Variants in DDX60 observed in about 807,000 individuals in gnomAD.
DDX60 encodes the protein probable ATP-dependent RNA helicase DDX60.
In DDX60, 165 loss-of-function variants were observed where a neutral mutation model predicts 212.8. The observed-to-expected ratio is 0.78, with a 90% CI of 0.68 to 0.88. The LOEUF is 0.88. DDX60 is among the 40% of genes least tolerant of loss of function. The pLI is 0.00. For synonymous variants in DDX60, 703 were observed against 685.3 expected, an observed-to-expected ratio of 1.03 and a Z score of -0.40; for missense variants, 1,905 against 2,003.9, an observed-to-expected ratio of 0.95 and a Z score of 0.94.
chr4:168,283,701 T>A, intron 12 of DDX60, 95 bp from the exon 13 acceptor site: 1 of 864,280 alleles, frequency 1.2e-6, no homozygotes, highest in East Asian at 2.7e-5. Context: ...GTAGTTAAAT[T>A]AGTGGAAAAG....
In DDX60 at chr4:168,283,514, T is replaced by C. The variant is rs1459397440; in HGVS notation, c.1654A>G (p.Lys552Glu). The change falls in exon 13 of 38, where the codon AAA (lysine) becomes GAA (glutamate). Residue 552 changes from lysine (K) to glutamate (E), a missense_variant. Coordinates refer to ENST00000393743, the MANE Select transcript of DDX60 (RefSeq NM_017631.6). The part of the protein sequence containing the change: ...YGNSLETVSS[K>E]IIVTQTIKSK... ...TTAATAGTTTGAGTCACGATGATTT[T>C]CGAAGAGACTGTTTCTAATGAATTC... 9 of 1,613,488 alleles carry C rather than the reference T, an allele frequency of 5.6e-6. No homozygotes were observed. The highest frequency in any genetic ancestry group is 6.8e-6 in the Non-Finnish European group (8 of 1,179,708).
chr4:168,308,553 C>T (rs1560880822), intron 3 of DDX60, among the ~76,000 whole-genome samples: 1 of 151,786 alleles, frequency 6.6e-6, no homozygotes, highest in Non-Finnish European at 1.5e-5. Flanking sequence ...TGGCTATTGA[C>T]AAATTAAGCA....
chr4:168,298,636 C>T (rs1457739679), intron 6 of DDX60, among the ~76,000 whole-genome samples: 1 of 152,014 alleles, frequency 6.6e-6, no homozygotes, highest in Non-Finnish European at 1.5e-5. Flanking sequence ...GAGAAACTCA[C>T]CTATAGTAAC....
At chr4:168,235,368 T>G (rs1204275068) in intron 33 of DDX60, among the ~76,000 whole-genome samples, 1 of 152,052 alleles carries the variant, frequency 6.6e-6, no homozygotes, top group African/African-American at 2.4e-5. Context: ...TGTTATGCAG[T>G]AAAGTGTATT....
chr4:168,244,585 T>C (rs1479683883), intron 30 of DDX60, among the ~76,000 whole-genome samples: 1 of 151,832 alleles, frequency 6.6e-6, no homozygotes, highest in Non-Finnish European at 1.5e-5. Flanking sequence ...ATTAGCCAGG[T>C]GTGGTGGCGC....
chr4:168,317,231 G>A (rs1186554251), intron 1 of DDX60, among the ~76,000 whole-genome samples: 1 of 151,328 alleles, frequency 6.6e-6, no homozygotes, highest in Non-Finnish European at 1.5e-5. Context: ...CACCCAACAG[G>A]ACACACACAT....
intron 8 of DDX60, among the ~76,000 whole-genome samples, chr4:168,289,116 T>A (rs1013193683): frequency 2.0e-5 from 3 of 152,094 alleles, no homozygotes; most frequent in Admixed American, 6.5e-5. Context: ...TGAGTCCAAG[T>A]TTTTCCTTTG....
In DDX60 at chr4:168,285,517, A is replaced by T. The variant is rs1735787627; in HGVS notation, c.1340-19T>A. ...GAGCTGTCTGTAAACAAACAAAAAA[A>T]AATTGAGACAAGGTCAAATGTAAAG... On this transcript the variant is annotated intron_variant, in intron 10 of 37. Coordinates refer to ENST00000393743, the MANE Select transcript of DDX60 (RefSeq NM_017631.6). The T allele has an allele frequency of 1.3e-6, 2 of 1,504,664 alleles. No individual in the cohort carries two copies. The highest frequency in any genetic ancestry group is 9.1e-7 in the Non-Finnish European group (1 of 1,097,496). 93.2% of individuals were successfully genotyped at this position (1,504,664 alleles called of 1,614,324 possible).
Position 168,267,692 on chromosome 4 carries a change from C to A in DDX60, c.2930-1G>T. Reference sequence around the variant, plus strand: ...TCATTATACCTCTCTCCATAGAGCACTAAAAATGAAGAACAAGAATTTCCA... The same window carrying A: ...TCATTATACCTCTCTCCATAGAGCAATAAAAATGAAGAACAAGAATTTCCA... On this transcript the variant is annotated splice_acceptor_variant, in intron 21 of 37. Transcript: ENST00000393743. LOFTEE classifies it high-confidence loss of function. 6.4e-7 allele frequency: 1 copy of A among 1,572,614 alleles called. No individual in the cohort carries two copies. Among genetic ancestry groups the A allele is most frequent in the Non-Finnish European group, 8.6e-7 (1 of 1,160,010 alleles).
chr4:168,241,584 G>A (rs550547342), intron 30 of DDX60, among the ~76,000 whole-genome samples: 1 of 152,126 alleles, frequency 6.6e-6, no homozygotes, highest in Admixed American at 6.6e-5. Flanking sequence ...CTGCCTGAGA[G>A]ATTTATGGAA....
intron 14 of DDX60, among the ~76,000 whole-genome samples, chr4:168,278,532 A>G (rs975047028): frequency 6.6e-5 from 10 of 152,184 alleles, no homozygotes; most frequent in Admixed American, 3.3e-4. Flanking sequence ...AATATAAAAA[A>G]TACTGAAGCG....
intron 9 of DDX60, among the ~76,000 whole-genome samples, 193 bp from the exon 10 acceptor site, chr4:168,287,396 T>C (rs1735906428): frequency 6.6e-6 from 1 of 152,174 alleles, no homozygotes; most frequent in Non-Finnish European, 1.5e-5. Flanking sequence ...GTAAAGTTTA[T>C]CTTGTTTTTA....
In DDX60 at chr4:168,224,261, T is replaced by C. The variant is rs529887389; in HGVS notation, c.4806A>G (p.Arg1602=). The change falls in exon 35 of 38, where the codon CGA becomes CGG. Residue 1602 remains arginine, a synonymous_variant. Coordinates refer to ENST00000393743, the MANE Select transcript of DDX60 (RefSeq NM_017631.6). ...CACTTACATGGTTTGGAGTTTCTAG[T>C]CGAAGCAAATCATCATCAAAGTTCC... is the stretch of plus-strand genomic sequence containing the variant. ...LSGNFDDDLL[R]LETPNHVTLG... is the part of the protein sequence containing the mutation. The C allele has an allele frequency of 5.0e-6, 8 of 1,612,384 alleles. No homozygotes were observed. The highest frequency in any genetic ancestry group is 1.7e-4 in the Middle Eastern group (1 of 6,046).
rs895134594 is a variant in DDX60, at chr4:168,293,954, G to T, written c.724-9C>A. On this transcript the variant is annotated splice_polypyrimidine_tract_variant and intron_variant, in intron 6 of 37. Coordinates refer to ENST00000393743, the MANE Select transcript of DDX60 (RefSeq NM_017631.6). ...GATACAGTCTTGTGTGCCTGTCAAA[G>T]AAAAAAATTGTAATGTGTCATGCTA... 4 of 1,592,914 alleles carry T rather than the reference G, an allele frequency of 2.5e-6. No homozygotes were observed. In the African/African-American group the frequency reaches 5.4e-5, roughly 22 times the overall value.
At chr4:168,255,510 G>A (rs1734368537) in intron 26 of DDX60, among the ~76,000 whole-genome samples, 1 of 152,152 alleles carries the variant, frequency 6.6e-6, no homozygotes, top group East Asian at 1.9e-4. Flanking sequence ...AAATGAGGCT[G>A]ATTGATGCAA....
chr4:168,225,012 G>A (rs950286749), intron 34 of DDX60, among the ~76,000 whole-genome samples: 2 of 151,938 alleles, frequency 1.3e-5, no homozygotes, highest in African/African-American at 4.8e-5. Flanking sequence ...ACTATTTTAA[G>A]ATTTTCATAT....
chr4:168,217,957 T>C (rs937625685), intron 37 of DDX60, among the ~76,000 whole-genome samples: 1 of 152,148 alleles, frequency 6.6e-6, no homozygotes, highest in Non-Finnish European at 1.5e-5. Context: ...GCCACTAGGT[T>C]TGTGGTAATT....
chr4:168,219,675 T>C (rs932248367), intron 37 of DDX60, among the ~76,000 whole-genome samples: 2 of 152,036 alleles, frequency 1.3e-5, no homozygotes, highest in Non-Finnish European at 2.9e-5. Flanking sequence ...ATTAAATATA[T>C]AAAAAGGGAT....
chr4:168,251,659 T>C (rs1734225601), intron 27 of DDX60, among the ~76,000 whole-genome samples: 1 of 152,202 alleles, frequency 6.6e-6, no homozygotes, highest in African/African-American at 2.4e-5. Context: ...GGCTGGTTAG[T>C]GGTTACTTCA....
Sources: allele counts gnomAD v4.1 joint callset (sites outside exome capture counted in the v4.1 genomes callset), GRCh38; gene constraint gnomAD v4.1.1; transcripts MANE v1.5; gene names NCBI Gene and HGNC (gene_info 2026-07-23, HGNC 2026-07-21).